Variants in C1orf159 observed in about 807,000 individuals in gnomAD.
The protein encoded by C1orf159 is uncharacterized protein C1orf159.
Under a neutral mutation model 25.6 loss-of-function variants are expected in C1orf159, and 19 were observed. The observed-to-expected ratio is 0.74, with a 90% CI of 0.52 to 1.09. The LOEUF (loss-of-function observed/expected upper bound fraction) is 1.09, where lower values mean the gene tolerates loss of function less well. Among genes scored for constraint, C1orf159 ranks in the 50% least tolerant of loss-of-function variants. The probability of loss-of-function intolerance (pLI) is 0.00; values close to 1 mark genes in which losing one functional copy is unlikely to be tolerated. For synonymous variants in C1orf159, 139 were observed against 124.7 expected (o/e 1.12, Z -0.77); for missense variants, 274 against 290.6 (o/e 0.94, Z 0.42).
chr1:1,102,765 T>C (rs1157223097), intron 1 of C1orf159, among the ~76,000 whole-genome samples: 1 of 149,748 alleles, frequency 6.7e-6, no homozygotes, highest in Non-Finnish European at 1.5e-5. Flanking sequence ...GCCACTGAAC[T>C]CCAGCCTGGG....
rs377617555 is a variant in C1orf159, at chr1:1,085,886, C to A, written c.437G>T (p.Arg146Ile). The A allele has an allele frequency of 1.2e-6, 2 of 1,613,206 alleles. No individual in the cohort carries two copies. Among genetic ancestry groups the A allele is most frequent in the East Asian group, 4.5e-5 (2 of 44,882 alleles). Reference sequence around the variant, plus strand: ...GCTGGTCCGGGAGATACCTTTGTTTCTTCTGTAGCAGGCCCTGGGGAGTTT... The same window carrying A: ...GCTGGTCCGGGAGATACCTTTGTTTATTCTGTAGCAGGCCCTGGGGAGTTT... ...SSKLPRACYR[R>I]NKAPALQPGE... The change falls in exon 7 of 10, where the codon AGA becomes ATA. Residue 146 changes from arginine to isoleucine, a missense_variant. Arg to Ile is a moderately conservative substitution (Grantham distance 97, BLOSUM62 -3). Transcript: ENST00000421241.
intron 1 of C1orf159, among the ~76,000 whole-genome samples, chr1:1,107,066 C>T (rs976486175): frequency 2.6e-5 from 4 of 152,208 alleles, no homozygotes; most frequent in African/African-American, 9.7e-5. Context: ...GGCTCCCACA[C>T]AGCCCGAGCC....
At chr1:1,111,066 A>G (rs1211622935) in intron 1 of C1orf159, among the ~76,000 whole-genome samples, 1 of 152,248 alleles carries the variant, frequency 6.6e-6, no homozygotes, top group Non-Finnish European at 1.5e-5. Context: ...GTTTCACTGC[A>G]TGTAAATTAT....
At chr1:1,107,271 G>C (rs537891641) in intron 1 of C1orf159, among the ~76,000 whole-genome samples, 3 of 152,368 alleles carry the variant, frequency 2.0e-5, no homozygotes, top group African/African-American at 4.8e-5. Flanking sequence ...CTGGAGGATT[G>C]TAAATGCACC....
chr1:1,086,566 G>C (rs1645833495), intron 6 of C1orf159, among the ~76,000 whole-genome samples: 1 of 152,228 alleles, frequency 6.6e-6, no homozygotes, highest in African/African-American at 2.4e-5. Flanking sequence ...CCAACCCTGA[G>C]ACACAGGCGT....
At chr1:1,104,628 G>C (rs1646146475) in intron 1 of C1orf159, among the ~76,000 whole-genome samples, 1 of 152,102 alleles carries the variant, frequency 6.6e-6, no homozygotes, top group Admixed American at 6.5e-5. Context: ...CTCAACTCTG[G>C]GCAGTAACAA....
rs980395672 is a variant in C1orf159 at position 1,087,210 on chromosome 1, G to C, written c.245-6C>G. On this transcript the variant is annotated splice_polypyrimidine_tract_variant and splice_region_variant and intron_variant, in intron 5 of 9. Coordinates refer to ENST00000421241, the MANE Select transcript of C1orf159 (RefSeq NM_017891.5). This position sits in a 1 kb window ranked among gnomAD's most constrained non-coding sequence, Gnocchi z 8.3. ...TGGCGCACCCGGGCCAGCAACTGTGGGATAGCAGAACTGTGGGAAGCCTGT... is the reference window on the plus strand; with the variant it reads ...TGGCGCACCCGGGCCAGCAACTGTGCGATAGCAGAACTGTGGGAAGCCTGT... The C allele has an allele frequency of 6.2e-7, 1 of 1,605,076 alleles. No homozygotes were observed. The highest frequency in any genetic ancestry group is 8.5e-7 in the Non-Finnish European group (1 of 1,176,482).
In C1orf159 at chr1:1,087,280, C is replaced by T. The variant is rs1175263253; in HGVS notation, c.245-76G>A. On this transcript the variant is annotated intron_variant, in intron 5 of 9. Transcript: ENST00000421241. The surrounding 1 kb of genome is among the most constrained non-coding windows in gnomAD (Gnocchi z 8.3). ...ACACCCACGTGCACCCTGAAGGGATCTCAGGACGGAAATATGAAAGCGAGG... is the reference window on the plus strand; with the variant it reads ...ACACCCACGTGCACCCTGAAGGGATTTCAGGACGGAAATATGAAAGCGAGG... The T allele has an allele frequency of 2.1e-6, 3 of 1,415,154 alleles. No individual in the cohort carries two copies. The highest frequency in any genetic ancestry group is 4.4e-5 in the Admixed American group (2 of 45,366). The allele number at this position is 1,415,154 out of a possible 1,614,324, so 87.7% of individuals were successfully genotyped here.
intron 1 of C1orf159, among the ~76,000 whole-genome samples, chr1:1,097,130 C>T (rs965907243): frequency 2.0e-5 from 3 of 151,486 alleles, no homozygotes; most frequent in Admixed American, 6.6e-5. Flanking sequence ...CTTTTGAGAC[C>T]GAGTCTCACT....
At chr1:1,114,452 C>A (rs116370315) in intron 1 of C1orf159, among the ~76,000 whole-genome samples, 1 of 152,186 alleles carries the variant, frequency 6.6e-6, no homozygotes, top group African/African-American at 2.4e-5. Context: ...AAATGAGCTA[C>A]CCAGTAAGTC....
intron 1 of C1orf159, among the ~76,000 whole-genome samples, chr1:1,094,298 G>A (rs1295869992): frequency 3.9e-5 from 6 of 152,062 alleles, no homozygotes; most frequent in African/African-American, 9.7e-5. Flanking sequence ...TCAGCCTCTC[G>A]AGTAGCTGAG....
Position 1,089,556 on chromosome 1 carries a change from C to T in C1orf159, c.148+797G>A, listed in dbSNP as rs1393903023. Among the ~76,000 whole-genome samples, 1 of 152,192 alleles carries T rather than the reference C, an allele frequency of 6.6e-6. No individual in the cohort carries two copies. Among genetic ancestry groups the T allele is most frequent in the African/African-American group, 2.4e-5 (1 of 41,442 alleles). On this transcript the variant is annotated intron_variant, in intron 4 of 9. Transcript: ENST00000421241. The surrounding 1 kb of genome is among the most constrained non-coding windows in gnomAD (Gnocchi z 7.5). ...CACGCCCAGCCTCGGACCCCCGCGC[C>T]CAGCCTCACTGGCTGCCACAGCCGC... is the stretch of plus-strand genomic sequence containing the variant.
At chr1:1,105,515 T>A (rs1231893376) in intron 1 of C1orf159, among the ~76,000 whole-genome samples, 3 of 151,302 alleles carry the variant, frequency 2.0e-5, no homozygotes, top group Non-Finnish European at 2.9e-5. Context: ...CAAAAAAAAA[T>A]AAATAAAAAG....
At chr1:1,111,365 CAAAA>C (rs35082223) in intron 1 of C1orf159, among the ~76,000 whole-genome samples, 39 of 109,124 alleles carry the variant, frequency 3.6e-4, no homozygotes, top group African/African-American at 9.5e-4. Flanking sequence ...TCATCTCTAC[CAAAA>C]AAAAAAAAAA....
At position 1,086,027 on chromosome 1, in the gene C1orf159, C is replaced by T. The variant is rs778088850; in HGVS notation, c.311-15G>A. 9.3e-6 allele frequency: 15 copies of T among 1,612,298 alleles called. No homozygotes were observed. The South Asian group carries it at 9.9e-5, about 11-fold the overall frequency. On this transcript the variant is annotated splice_polypyrimidine_tract_variant and intron_variant, in intron 6 of 9. Coordinates refer to ENST00000421241, the MANE Select transcript of C1orf159 (RefSeq NM_017891.5). ...GCGCGGAGCCCCTGCAAACAGACAC[C>T]GCTGAGCAGACGGGCAGGACGGTGG...
intron 1 of C1orf159, among the ~76,000 whole-genome samples, chr1:1,102,364 C>T (rs1245979725): frequency 2.0e-5 from 3 of 151,420 alleles, no homozygotes; most frequent in African/African-American, 7.3e-5. Context: ...TTATTTTCCT[C>T]CAATCACTTC....
At chr1:1,088,841 CAG>C (rs879599779) in intron 4 of C1orf159, among the ~76,000 whole-genome samples, 15 of 152,162 alleles carry the variant, frequency 9.9e-5, no homozygotes, top group Non-Finnish European at 2.1e-4. Flanking sequence ...ACGGTTGTGA[CAG>C]GGGTCACTCT....
In C1orf159 at chr1:1,082,869, C is replaced by T. The variant is rs146399370; in HGVS notation, c.*24G>A. The T allele has an allele frequency of 2.7e-3, 4,189 of 1,560,308 alleles. 35 individuals are homozygous for T. The highest frequency in any genetic ancestry group is 0.015 in the Middle Eastern group (91 of 5,994). On this transcript the variant is annotated 3_prime_UTR_variant, in exon 10 of 10. Coordinates refer to ENST00000421241, the MANE Select transcript of C1orf159 (RefSeq NM_017891.5). ...GCCTCCGGGTCCCTGCCGCCAAGTGCGTGGCGTGGTCTCGGCCTCCAGGTC... is the reference window on the plus strand; with the variant it reads ...GCCTCCGGGTCCCTGCCGCCAAGTGTGTGGCGTGGTCTCGGCCTCCAGGTC...
intron 1 of C1orf159, among the ~76,000 whole-genome samples, chr1:1,111,860 T>C (rs1350919311): frequency 6.6e-6 from 1 of 152,226 alleles, no homozygotes; most frequent in Non-Finnish European, 1.5e-5. Context: ...GAAACGTAGC[T>C]TTAAGGGCCC....
Sources: allele counts gnomAD v4.1 joint callset (sites outside exome capture counted in the v4.1 genomes callset), GRCh38; gene constraint gnomAD v4.1.1; non-coding constraint Gnocchi (gnomAD v3.1); transcripts MANE v1.5; gene names NCBI Gene and HGNC (gene_info 2026-07-23, HGNC 2026-07-21).